The following ZNF430 variants were observed in gnomAD, a reference collection of about 807,000 sequenced individuals.
The protein encoded by ZNF430 is zinc finger protein 430.
In ZNF430, 35 loss-of-function variants were observed where a neutral mutation model predicts 56.7. That is an observed-to-expected ratio of 0.62 (90% CI 0.47 to 0.82). ZNF430 has a LOEUF of 0.82. Ranked by LOEUF, ZNF430 falls within the 40% of genes least tolerant of loss-of-function variation. The pLI is 0.00. For synonymous variants in ZNF430, 212 were observed against 224.3 expected, an observed-to-expected ratio of 0.94 and a Z score of 0.49; for missense variants, 574 against 661.0, an observed-to-expected ratio of 0.87 and a Z score of 1.44.
chr19:21,044,839 T>C (rs527533978), intron 4 of ZNF430, among the ~76,000 whole-genome samples: 89 of 152,308 alleles, frequency 5.8e-4, no homozygotes, highest in Middle Eastern at 6.8e-3. Context: ...ATTTATCTAC[T>C]TCTTCTAGCT....
intron 4 of ZNF430, chr19:21,036,059 A>G (rs1471079319): frequency 6.6e-6 from 1 of 152,142 alleles, no homozygotes; most frequent in African/African-American, 2.4e-5. Context: ...GCGCAGTTTC[A>G]TATCAGTGTT....
At chr19:21,032,888 A>C (rs1456468445) in intron 2 of ZNF430, among the ~76,000 whole-genome samples, 2 of 152,208 alleles carry the variant, frequency 1.3e-5, no homozygotes, top group African/African-American at 4.8e-5. Context: ...AAAAATATAC[A>C]CAACTCAAAC....
At chr19:21,026,835 T>C (rs1967808874) in intron 2 of ZNF430, among the ~76,000 whole-genome samples, 2 of 123,340 alleles carry the variant, frequency 1.6e-5, no homozygotes, top group Non-Finnish European at 3.5e-5. Flanking sequence ...TTCTTTTTTT[T>C]TTTTTTTTTT....
intron 4 of ZNF430, among the ~76,000 whole-genome samples, chr19:21,044,946 T>C (rs1968163233): frequency 6.6e-6 from 1 of 152,188 alleles, no homozygotes; most frequent in African/African-American, 2.4e-5. Flanking sequence ...TTTTGTATTG[T>C]GTCTATTTCT....
chr19:21,025,971 T>C, intron 2 of ZNF430: 1 of 414,808 alleles, frequency 2.4e-6, no homozygotes, highest in Non-Finnish European at 4.5e-6. Context: ...AACCTGGTCA[T>C]CACACTTTTT....
chr19:21,039,878 G>A (rs1014535270), intron 4 of ZNF430, among the ~76,000 whole-genome samples: 2 of 152,078 alleles, frequency 1.3e-5, no homozygotes, highest in Admixed American at 6.6e-5. Context: ...ATCATACTCC[G>A]TCACCCAGGC....
At position 21,030,316 on chromosome 19, in the gene ZNF430, A is replaced by G. The variant is rs115749944; in HGVS notation, c.97-3140A>G. On this transcript the variant is annotated intron_variant, in intron 2 of 4. Coordinates refer to ENST00000261560, the MANE Select transcript of ZNF430 (RefSeq NM_025189.4). ...AAATCAATGACAGAGAAACAGAGGGAGAAATAAAAATGCTGAACCCTTTAT... is the reference window on the plus strand; with the variant it reads ...AAATCAATGACAGAGAAACAGAGGGGGAAATAAAAATGCTGAACCCTTTAT... Among the ~76,000 whole-genome samples the G allele has an allele frequency of 7.2e-3, 1,101 of 152,336 alleles. 15 individuals carry two copies. Among genetic ancestry groups the G allele is most frequent in the African/African-American group, 0.026 (1,073 of 41,588 alleles).
chr19:21,056,487 T>C (rs1478689201), intron 4 of ZNF430, 144 bp from the exon 5 acceptor site: 2 of 437,666 alleles, frequency 4.6e-6, no homozygotes, highest in African/African-American at 4.5e-5. Context: ...AGACTCTGTC[T>C]AAAAAAAAAA....
At chr19:21,021,501 A>G (rs1389988740) in intron 1 of ZNF430, among the ~76,000 whole-genome samples, 1 of 150,224 alleles carries the variant, frequency 6.7e-6, no homozygotes, top group Non-Finnish European at 1.5e-5. Context: ...TCCGTCTCGG[A>G]AAAAAAAAAT....
At chr19:21,021,222 G>A (rs901443340) in intron 1 of ZNF430, among the ~76,000 whole-genome samples, 3 of 152,112 alleles carry the variant, frequency 2.0e-5, no homozygotes, top group Non-Finnish European at 4.4e-5. Context: ...GTACAGACCG[G>A]GAGGGGTGGC....
intron 4 of ZNF430, among the ~76,000 whole-genome samples, chr19:21,048,632 T>G (rs1968225413): frequency 6.6e-6 from 1 of 152,138 alleles, no homozygotes; most frequent in South Asian, 2.1e-4. Flanking sequence ...TTTCCCCACA[T>G]TCCCCCCTTT....
At chr19:21,047,510 G>C (rs180682243) in intron 4 of ZNF430, among the ~76,000 whole-genome samples, 1 of 152,238 alleles carries the variant, frequency 6.6e-6, no homozygotes, top group African/African-American at 2.4e-5. Flanking sequence ...CCTTTGGATG[G>C]GATGCTTGTG....
At chr19:21,045,929 A>T (rs1337785423) in intron 4 of ZNF430, among the ~76,000 whole-genome samples, 2 of 152,034 alleles carry the variant, frequency 1.3e-5, no homozygotes, top group African/African-American at 4.8e-5. Flanking sequence ...GTGTCTTTGC[A>T]TGTGAGATGG....
chr19:21,060,048 A>C lies in ZNF430; in HGVS notation c.*2027A>C, dbSNP rs1245745548. 1 of 152,152 alleles carries C rather than the reference A, an allele frequency of 6.6e-6. No homozygotes were observed. The highest frequency in any genetic ancestry group is 1.5e-5 in the Non-Finnish European group (1 of 68,004). The allele number at this position is 152,152 out of a possible 1,614,324, so 9.4% of individuals were successfully genotyped here. A position where few individuals can be genotyped will look rare whatever the true frequency, so the allele number is the denominator to read the frequency against. Reference sequence around the variant, plus strand: ...TATAATAAAATCCAGTGTATTTTAAAAATGTTAGGTTATGTGTGGTTAATA... The same window carrying C: ...TATAATAAAATCCAGTGTATTTTAACAATGTTAGGTTATGTGTGGTTAATA... On this transcript the variant is annotated 3_prime_UTR_variant, in exon 5 of 5. Coordinates refer to ENST00000261560, the MANE Select transcript of ZNF430 (RefSeq NM_025189.4).
intron 4 of ZNF430, among the ~76,000 whole-genome samples, chr19:21,044,703 A>G (rs1024488029): frequency 1.2e-4 from 18 of 152,212 alleles, no homozygotes; most frequent in Non-Finnish European, 1.9e-4. Context: ...CTGTAAATCC[A>G]TCTGCCTCTG....
chr19:21,041,250 A>G (rs1055363364), intron 4 of ZNF430, among the ~76,000 whole-genome samples: 1 of 152,038 alleles, frequency 6.6e-6, no homozygotes, highest in Non-Finnish European at 1.5e-5. Context: ...TCAGCTTCCA[A>G]GTAGCTGGGC....
chr19:21,036,136 T>C (rs1436575765), intron 4 of ZNF430: 1 of 152,304 alleles, frequency 6.6e-6, no homozygotes, highest in Non-Finnish European at 1.5e-5. Context: ...ATTATAATTT[T>C]AGACAGTTTG....
chr19:21,045,512 T>A (rs1968172661), intron 4 of ZNF430, among the ~76,000 whole-genome samples: 1 of 152,234 alleles, frequency 6.6e-6, no homozygotes, highest in African/African-American at 2.4e-5. Flanking sequence ...TTAAAGTAAG[T>A]GCCATGTGAC....
Position 21,056,756 on chromosome 19 carries a change from A to G in ZNF430, c.448A>G (p.Lys150Glu), listed in dbSNP as rs376456283. Residue 150 changes from lysine to glutamate, a missense_variant, in exon 5 of 5, where the codon AAA (lysine) becomes GAA (glutamate). Coordinates refer to ENST00000261560, the MANE Select transcript of ZNF430 (RefSeq NM_025189.4). ...AGATTTACAGTTAAGAACAGGCTGT[A>G]AAAGTGTGGATGAGTGTAATCTGCA... is the stretch of plus-strand genomic sequence containing the variant. ...HEDLQLRTGCKSVDECNLHKE... is the reference protein window; with the variant it reads ...HEDLQLRTGCESVDECNLHKE... The G allele has an allele frequency of 3.7e-6, 6 of 1,613,652 alleles. No homozygotes were observed. The highest frequency in any genetic ancestry group is 1.1e-5 in the South Asian group (1 of 90,934).
Sources: allele counts gnomAD v4.1 joint callset (sites outside exome capture counted in the v4.1 genomes callset), GRCh38; gene constraint gnomAD v4.1.1; transcripts MANE v1.5; gene names NCBI Gene and HGNC (gene_info 2026-07-23, HGNC 2026-07-21).